The following ARMC2 variants were observed in gnomAD, a reference collection of about 807,000 sequenced individuals.
The protein encoded by ARMC2 is armadillo repeat-containing protein 2.
ARMC2 carries 67 observed loss-of-function variants against 90.3 expected under a neutral mutation model. That is an observed-to-expected ratio of 0.74 (90% CI 0.61 to 0.91). The LOEUF (loss-of-function observed/expected upper bound fraction) is 0.91, where lower values mean the gene tolerates loss of function less well. Among genes scored for constraint, ARMC2 ranks in the 40% least tolerant of loss-of-function variants. ARMC2 has a pLI of 0.00. For synonymous variants in ARMC2, 393 were observed against 393.0 expected (o/e 1.00, Z 0.00); for missense variants, 920 against 1,030.9 (o/e 0.89, Z 1.47).
intron 13 of ARMC2, among the ~76,000 whole-genome samples, chr6:108,954,051 G>A (rs942160990): frequency 1.3e-5 from 2 of 152,100 alleles, no homozygotes; most frequent in Non-Finnish European, 2.9e-5. Flanking sequence ...AAGCACTTGT[G>A]GGGTAGGGGA....
chr6:108,904,808 A>G (rs1465274600), intron 8 of ARMC2, among the ~76,000 whole-genome samples: 1 of 152,232 alleles, frequency 6.6e-6, no homozygotes, highest in Non-Finnish European at 1.5e-5. Context: ...TGATTCTGTC[A>G]TATGATTTAA....
At chr6:108,887,539 G>A (rs148734879) in intron 5 of ARMC2, among the ~76,000 whole-genome samples, 287 of 152,274 alleles carry the variant, frequency 1.9e-3, no homozygotes, top group African/African-American at 6.6e-3. Context: ...TGAGAGAATC[G>A]CAGAAAGATG....
intron 15 of ARMC2, among the ~76,000 whole-genome samples, chr6:108,963,020 A>G (rs12195372): frequency 0.11 from 16,061 of 152,212 alleles, 971 homozygotes; most frequent in South Asian, 0.19. Flanking sequence ...AAAAATTTAA[A>G]AATTAAAAAA....
At chr6:108,972,192 A>G in intron 17 of ARMC2, among the ~76,000 whole-genome samples, 1 of 152,200 alleles carries the variant, frequency 6.6e-6, no homozygotes. Flanking sequence ...ATGGTCATTT[A>G]TCTTCCTACC....
chr6:108,970,742 C>A (rs1346251910), intron 17 of ARMC2, among the ~76,000 whole-genome samples: 6 of 151,870 alleles, frequency 4.0e-5, no homozygotes, highest in Non-Finnish European at 7.4e-5. Context: ...AGGTGATCCA[C>A]CTGCCTCAGC....
At chr6:108,881,165 CTTTTT>C (rs2128443672) in intron 5 of ARMC2, among the ~76,000 whole-genome samples, 1 of 151,544 alleles carries the variant, frequency 6.6e-6, no homozygotes, top group Non-Finnish European at 1.5e-5. Flanking sequence ...GCTTTCTTTT[CTTTTT>C]CTTTTTTTTT....
At chr6:108,907,753 T>C in intron 8 of ARMC2, 1 of 1,610,750 alleles carries the variant, frequency 6.2e-7, no homozygotes, top group East Asian at 2.2e-5. Flanking sequence ...AGTAGTAACC[T>C]CTTTGAAACG....
the ARMC2 span, among the ~76,000 whole-genome samples, chr6:108,985,902 T>C: frequency 6.6e-6 from 1 of 152,214 alleles, no homozygotes; most frequent in Admixed American, 6.5e-5. Flanking sequence ...AATAATACTC[T>C]ATTCCTAGCT....
At position 108,904,361 on chromosome 6, in the gene ARMC2, G is replaced by A. The variant is rs1378710825; in HGVS notation, c.979G>A (p.Gly327Ser). 1.4e-5 allele frequency: 23 copies of A among 1,612,332 alleles called. No individual in the cohort carries two copies. Among genetic ancestry groups the A allele is most frequent in the Non-Finnish European group, 2.0e-5 (23 of 1,179,432 alleles). ...GACCCTGTGTAAACTAGTTGATGTT[G>A]GTTCAGACTCGCTCAGCCTTAAACT... is the stretch of plus-strand genomic sequence containing the variant. ...LKTLCKLVDV[G>S]SDSLSLKLAK... The change falls in exon 8 of 18, where the codon GGT becomes AGT. Residue 327 changes from glycine to serine, a missense_variant. Transcript: ENST00000392644.
intron 5 of ARMC2, among the ~76,000 whole-genome samples, chr6:108,887,661 T>G (rs1018635619): frequency 6.6e-5 from 10 of 152,234 alleles, no homozygotes; most frequent in African/African-American, 2.4e-4. Flanking sequence ...ATTAGGTTTT[T>G]GTTATTTGTC....
At position 108,868,865 on chromosome 6, in the gene ARMC2, C is replaced by T. The variant is rs1776098842; in HGVS notation, c.333C>T (p.Ser111=). ...VPASPTREED[S]CFSFPKPPVD... is the part of the protein sequence containing the mutation. ...CATCTCCCACCAGAGAGGAGGATTC[C>T]TGCTTTTCCTTTCCTAAGCCCCCAG... Residue 111 remains serine (S), a synonymous_variant, in exon 4 of 18, where the codon TCC becomes TCT. Transcript: ENST00000392644. 1.2e-6 allele frequency: 2 copies of T among 1,613,928 alleles called. No individual in the cohort carries two copies. The highest frequency in any genetic ancestry group is 2.2e-5 in the East Asian group (1 of 44,876).
chr6:108,855,250 C>CTTTTTTTTTTTT (rs1256172618), intron 2 of ARMC2, among the ~76,000 whole-genome samples: 1 of 138,172 alleles, frequency 7.2e-6, no homozygotes, highest in Non-Finnish European at 1.6e-5. Context: ...TTTTGTTTTT[C>CTTTTTTTTTTTT]TTTTTTTTTT....
rs185641715 is a variant in ARMC2, at chr6:108,974,336, A to G, written c.*822A>G. The G allele has an allele frequency of 1.9e-4, 29 of 152,344 alleles. No homozygotes were observed. The highest frequency in any genetic ancestry group is 4.1e-4 in the African/African-American group (17 of 41,574). 9.4% of individuals were successfully genotyped at this position (152,344 alleles called of 1,614,324 possible). ...TTTTACTGTAGTGTAGTTTGGAACAAACCATTAAATGGGCAAATGGCCCAG... is the reference window on the plus strand; with the variant it reads ...TTTTACTGTAGTGTAGTTTGGAACAGACCATTAAATGGGCAAATGGCCCAG... On this transcript the variant is annotated 3_prime_UTR_variant, in exon 18 of 18. Transcript: ENST00000392644.
chr6:108,897,140 G>A (rs1771685625), intron 6 of ARMC2, among the ~76,000 whole-genome samples: 1 of 152,188 alleles, frequency 6.6e-6, no homozygotes, highest in African/African-American at 2.4e-5. Context: ...CAAACTATCT[G>A]TAGTTCCAGA....
intron 5 of ARMC2, among the ~76,000 whole-genome samples, chr6:108,884,978 C>G (rs916158219): frequency 6.6e-6 from 1 of 152,160 alleles, no homozygotes; most frequent in Non-Finnish European, 1.5e-5. Flanking sequence ...CCACTGCTCC[C>G]TGTACTGAAC....
chr6:108,881,048 G>A (rs1001333342), intron 5 of ARMC2, among the ~76,000 whole-genome samples: 3 of 151,886 alleles, frequency 2.0e-5, no homozygotes. Context: ...TAGAGATGGG[G>A]TTTCACCATG....
At chr6:109,023,784 A>G in the ARMC2 span, among the ~76,000 whole-genome samples, 1 of 152,356 alleles carries the variant, frequency 6.6e-6, no homozygotes, top group African/African-American at 2.4e-5. Flanking sequence ...AACAAAATGT[A>G]ACATTTTATG....
At chr6:108,930,592 C>CTTTTTTT (rs144870507) in intron 11 of ARMC2, among the ~76,000 whole-genome samples, 31 of 93,772 alleles carry the variant, frequency 3.3e-4, no homozygotes, top group African/African-American at 4.0e-4. Context: ...TGCCCTGAAT[C>CTTTTTTT]TTTTTTTTTT....
Position 108,953,267 on chromosome 6 carries a change from C to A in ARMC2, c.1831C>A (p.Leu611Met). The change falls in exon 13 of 18, where the codon CTG becomes ATG. Residue 611 changes from leucine (L) to methionine (M), a missense_variant. Transcript: ENST00000392644. Reference sequence around the variant, plus strand: ...CGTGCTCATCAAGCTGACTCGTGTGCTGGCCAACATTGCCATCCACCCGGG... The same window carrying A: ...CGTGCTCATCAAGCTGACTCGTGTGATGGCCAACATTGCCATCCACCCGGG... ...EDVLIKLTRV[L>M]ANIAIHPGVG... 6.2e-7 allele frequency: 1 copy of A among 1,613,234 alleles called. No homozygotes were observed. The highest frequency in any genetic ancestry group is 8.5e-7 in the Non-Finnish European group (1 of 1,179,888).
Sources: gnomAD v4.1 joint callset for allele counts (sites outside exome capture counted in the v4.1 genomes callset) on GRCh38, gnomAD v4.1.1 for gene constraint, MANE v1.5 for transcripts, NCBI Gene and HGNC (gene_info 2026-07-23, HGNC 2026-07-21) for gene names.